Variants in COLGALT1 observed in about 807,000 individuals in gnomAD.
COLGALT1 encodes collagen beta(1-O)galactosyltransferase 1, also known as procollagen galactosyltransferase 1.
COLGALT1 carries 43 observed loss-of-function variants against 60.8 expected under a neutral mutation model. The ratio of observed to expected loss-of-function variants is 0.71; its 90% CI spans 0.55 to 0.91. COLGALT1 has a LOEUF of 0.91. COLGALT1 is among the 40% of genes least tolerant of loss of function. The pLI is 0.00. For synonymous variants in COLGALT1, 369 were observed against 374.2 expected (o/e 0.99, Z 0.16); for missense variants, 845 against 880.0 (o/e 0.96, Z 0.50).
At chr19:17,576,142 G>A (rs1194467088) in intron 6 of COLGALT1, among the ~76,000 whole-genome samples, 1 of 152,198 alleles carries the variant, frequency 6.6e-6, no homozygotes, top group Non-Finnish European at 1.5e-5. Flanking sequence ...CCTGTGTTGG[G>A]CACTAGGGGC....
chr19:17,558,283 C>T (rs2076225888), intron 1 of COLGALT1, among the ~76,000 whole-genome samples: 1 of 147,528 alleles, frequency 6.8e-6, no homozygotes, highest in Non-Finnish European at 1.5e-5. Flanking sequence ...CCATGTTGGC[C>T]AGGCTGGTCT....
intron 9 of COLGALT1, among the ~76,000 whole-genome samples, chr19:17,579,104 G>A (rs1285449872): frequency 3.3e-5 from 5 of 151,960 alleles, no homozygotes; most frequent in African/African-American, 7.3e-5. Flanking sequence ...CCTGGGAGGC[G>A]GAGGTTGCAG....
At chr19:17,563,264 C>T (rs1326521296) in intron 3 of COLGALT1, among the ~76,000 whole-genome samples, 1 of 146,298 alleles carries the variant, frequency 6.8e-6, no homozygotes, top group Non-Finnish European at 1.5e-5. Context: ...GATCTTGGCT[C>T]ACTGCAGCCT....
chr19:17,577,516 G>C (rs1375514588), intron 8 of COLGALT1, 49 bp downstream of exon 8: 1 of 1,387,448 alleles, frequency 7.2e-7, no homozygotes, highest in African/African-American at 1.5e-5. Flanking sequence ...CGTGGATGTG[G>C]GTGTAGACCT....
In COLGALT1 at chr19:17,581,240, C is replaced by A. The variant is rs764300831; in HGVS notation, c.1665C>A (p.Leu555=). 1 of 1,611,062 alleles carries A rather than the reference C, an allele frequency of 6.2e-7. No individual in the cohort carries two copies. Among genetic ancestry groups the A allele is most frequent in the African/African-American group, 1.3e-5 (1 of 74,824 alleles). The change falls in exon 12 of 12, where the codon CTC becomes CTA. Residue 555 remains leucine, a synonymous_variant. Transcript: ENST00000252599. The part of the protein sequence containing the change: ...NLHAFSVEPL[L]IYPTHYTGDD... ...ATGCCTTCTCTGTGGAGCCGCTGCTCATCTACCCCACACACTACACAGGAG... is the reference window on the plus strand; with the variant it reads ...ATGCCTTCTCTGTGGAGCCGCTGCTAATCTACCCCACACACTACACAGGAG...
intron 4 of COLGALT1, among the ~76,000 whole-genome samples, chr19:17,568,059 G>A (rs1379846040): frequency 6.6e-6 from 1 of 152,180 alleles, no homozygotes; most frequent in Non-Finnish European, 1.5e-5. Context: ...TGCTATTCCA[G>A]AGGTGGAAAC....
chr19:17,570,900 CAAAA>C (rs1325304798), intron 5 of COLGALT1, among the ~76,000 whole-genome samples: 7 of 151,860 alleles, frequency 4.6e-5, no homozygotes, highest in Non-Finnish European at 1.0e-4. Flanking sequence ...GGAAAAGAAT[CAAAA>C]GAAGAAGAAT....
chr19:17,566,400 T>G (rs2076280043), intron 3 of COLGALT1, among the ~76,000 whole-genome samples: 1 of 152,098 alleles, frequency 6.6e-6, no homozygotes, highest in Non-Finnish European at 1.5e-5. Flanking sequence ...CTGGTAGTTC[T>G]GTGATATATC....
chr19:17,580,285 C>T (rs970751400), intron 10 of COLGALT1: 12 of 237,960 alleles, frequency 5.0e-5, no homozygotes, highest in Non-Finnish European at 9.1e-5. Flanking sequence ...TCTCTTTTTT[C>T]CCTTCCATGT....
intron 1 of COLGALT1, 130 bp downstream of exon 1, chr19:17,556,103 G>T: frequency 9.3e-7 from 1 of 1,073,346 alleles, no homozygotes; most frequent in East Asian, 3.3e-5. Context: ...CTTCCTGCTC[G>T]CTACCCCCAT....
chr19:17,577,982 G>A lies in COLGALT1; in HGVS notation c.1159G>A (p.Ala387Thr), dbSNP rs1326827163. 1 of 1,611,200 alleles carries A rather than the reference G, an allele frequency of 6.2e-7. No homozygotes were observed. Among genetic ancestry groups the A allele is most frequent in the African/African-American group, 1.3e-5 (1 of 74,954 alleles). The change falls in exon 9 of 12, where the codon GCG becomes ACG. Residue 387 changes from alanine to threonine, a missense_variant. Transcript: ENST00000252599. Reference sequence around the variant, plus strand: ...AGCCATGAACACCAGCCAGGTGGAGGCGCTGGGGATCCAGATGCTGCCTGG... The same window carrying A: ...AGCCATGAACACCAGCCAGGTGGAGACGCTGGGGATCCAGATGCTGCCTGG... ...GKAMNTSQVE[A>T]LGIQMLPGYR...
chr19:17,575,863 C>T (rs2076337718), intron 6 of COLGALT1, among the ~76,000 whole-genome samples: 1 of 152,142 alleles, frequency 6.6e-6, no homozygotes, highest in Admixed American at 6.6e-5. Context: ...CTAATGACCT[C>T]ATTTTAACTC....
At position 17,555,802 on chromosome 19, in the gene COLGALT1, C is replaced by T. The variant is rs964873130; in HGVS notation, c.89C>T (p.Ala30Val). Residue 30 changes from alanine (A) to valine (V), a missense_variant, in exon 1 of 12, where the codon GCC (alanine) becomes GTC (valine). Transcript: ENST00000252599. ...LLLLAPLPPG[A>V]PPGADAYFPE... ...CTGCTGGCGCCACTGCCGCCGGGGGCCCCGCCGGGCGCCGACGCCTACTTC... is the reference window on the plus strand; with the variant it reads ...CTGCTGGCGCCACTGCCGCCGGGGGTCCCGCCGGGCGCCGACGCCTACTTC... 4 of 1,251,654 alleles carry T rather than the reference C, an allele frequency of 3.2e-6. No homozygotes were observed. The highest frequency in any genetic ancestry group is 6.0e-5 in the South Asian group (2 of 33,506). 77.5% of individuals were successfully genotyped at this position (1,251,654 alleles called of 1,614,324 possible). A position where few individuals can be genotyped will look rare whatever the true frequency, so the allele number is the denominator to read the frequency against.
chr19:17,581,021 C>T (rs557619299), intron 11 of COLGALT1, 116 bp downstream of exon 11: 45 of 1,408,770 alleles, frequency 3.2e-5, no homozygotes, highest in Non-Finnish European at 3.9e-5. Context: ...CTACTTCTCC[C>T]TCCGTTTGCC....
intron 1 of COLGALT1, among the ~76,000 whole-genome samples, chr19:17,558,297 A>G (rs1191555564): frequency 1.4e-5 from 2 of 144,304 alleles, no homozygotes; most frequent in Admixed American, 6.9e-5. Context: ...CTGGTCTCAA[A>G]CTCCTGACCT....
At chr19:17,557,251 A>G (rs1423519615) in intron 1 of COLGALT1, among the ~76,000 whole-genome samples, 1 of 150,600 alleles carries the variant, frequency 6.6e-6, no homozygotes, top group Non-Finnish European at 1.5e-5. Flanking sequence ...GGTGTGGCTC[A>G]CAGGAGAAGA....
At position 17,577,947 on chromosome 19, in the gene COLGALT1, T is replaced by A; in HGVS notation, c.1134-10T>A. 6.3e-7 allele frequency: 1 copy of A among 1,599,844 alleles called. No homozygotes were observed. On this transcript the variant is annotated splice_polypyrimidine_tract_variant and intron_variant, in intron 8 of 11. Transcript: ENST00000252599. ...AACCTTCTTCGTGACCCTCTCCTCCTCCTCTCCAGAGCCATGAACACCAGC... is the reference window on the plus strand; with the variant it reads ...AACCTTCTTCGTGACCCTCTCCTCCACCTCTCCAGAGCCATGAACACCAGC...
chr19:17,580,304 C>T (rs1599797499), intron 10 of COLGALT1: 3 of 296,022 alleles, frequency 1.0e-5, no homozygotes, highest in South Asian at 7.2e-5. Flanking sequence ...GTGCAGTGCC[C>T]TAATCTGCAT....
At chr19:17,565,125 CA>C (rs2076272922) in intron 3 of COLGALT1, among the ~76,000 whole-genome samples, 1 of 151,374 alleles carries the variant, frequency 6.6e-6, no homozygotes, top group South Asian at 2.1e-4. Context: ...CGTTGATGGA[CA>C]CACTTCAGTC....
Sources: gnomAD v4.1 joint callset for allele counts (sites outside exome capture counted in the v4.1 genomes callset) on GRCh38, gnomAD v4.1.1 for gene constraint, MANE v1.5 for transcripts, NCBI Gene and HGNC (gene_info 2026-07-23, HGNC 2026-07-21) for gene names.